PICALM: variants seen among roughly 807,000 people sequenced by gnomAD.
PICALM encodes the protein phosphatidylinositol binding clathrin assembly protein.
A neutral mutation model predicts 80.5 loss-of-function variants in PICALM; 40 were observed. That is an observed-to-expected ratio of 0.50 (90% CI 0.39 to 0.65). The LOEUF is 0.65. Ranked by LOEUF, PICALM falls within the 30% of genes least tolerant of loss-of-function variation. The pLI is 0.00. For synonymous variants in PICALM, 288 were observed against 260.3 expected, an observed-to-expected ratio of 1.11 and a Z score of -1.02; for missense variants, 676 against 778.9, an observed-to-expected ratio of 0.87 and a Z score of 1.57.
intron 19 of PICALM, among the ~76,000 whole-genome samples, chr11:85,970,703 G>A (rs1295210170): frequency 1.3e-5 from 2 of 152,122 alleles, no homozygotes; most frequent in African/African-American, 4.8e-5. Flanking sequence ...AGCTGCCGGG[G>A]AGGCTGAGGC....
chr11:86,037,255 G>GA (rs1283450271), intron 1 of PICALM, among the ~76,000 whole-genome samples: 1 of 124,552 alleles, frequency 8.0e-6, no homozygotes, highest in Non-Finnish European at 1.6e-5. Context: ...AAAAAAAAAA[G>GA]AAAATTTTTT....
intron 12 of PICALM, among the ~76,000 whole-genome samples, chr11:85,993,258 C>T (rs988414455): frequency 2.0e-5 from 3 of 151,960 alleles, no homozygotes; most frequent in South Asian, 2.1e-4. Context: ...GGCTATTTTC[C>T]GATTTTTTTG....
At chr11:86,013,004 A>G (rs185121675) in intron 5 of PICALM, among the ~76,000 whole-genome samples, 16 of 152,316 alleles carry the variant, frequency 1.1e-4, no homozygotes, top group Admixed American at 9.2e-4. Flanking sequence ...CTCAGTGCCC[A>G]TAAGAATGAA....
chr11:85,992,995 T>C (rs910642130), intron 12 of PICALM, among the ~76,000 whole-genome samples: 1 of 152,060 alleles, frequency 6.6e-6, no homozygotes, highest in Non-Finnish European at 1.5e-5. Flanking sequence ...CATTACACTA[T>C]AATAATAAAA....
At chr11:85,981,670 T>A in intron 16 of PICALM, 75 bp downstream of exon 16, 1 of 1,106,204 alleles carries the variant, frequency 9.0e-7, no homozygotes, top group South Asian at 1.3e-5. Context: ...GAAAGCCAAA[T>A]CAACCCTCCA....
At chr11:86,031,647 T>C (rs750019187) in intron 1 of PICALM, 36 bp from the exon 2 acceptor site, 2 of 1,519,956 alleles carry the variant, frequency 1.3e-6, no homozygotes, top group South Asian at 2.4e-5. Context: ...TAATTTCCTC[T>C]GTGGTTTTAA....
intron 2 of PICALM, among the ~76,000 whole-genome samples, chr11:86,027,640 C>T (rs1403802752): frequency 1.3e-5 from 2 of 151,806 alleles, no homozygotes; most frequent in African/African-American, 2.4e-5. Context: ...CACCCCTCAC[C>T]CTCGCCCCCA....
At chr11:86,016,613 C>A (rs1339326454) in intron 4 of PICALM, among the ~76,000 whole-genome samples, 1 of 152,184 alleles carries the variant, frequency 6.6e-6, no homozygotes, top group Non-Finnish European at 1.5e-5. Context: ...TGAGCAAACA[C>A]CTAACTAATC....
chr11:86,037,065 C>G (rs1237578567), intron 1 of PICALM, among the ~76,000 whole-genome samples: 2 of 151,578 alleles, frequency 1.3e-5, no homozygotes, highest in African/African-American at 4.9e-5. Context: ...CCTGCCTCAG[C>G]CTGCCAAGCA....
intron 12 of PICALM, among the ~76,000 whole-genome samples, chr11:85,996,492 C>A (rs1416854660): frequency 1.3e-5 from 2 of 151,766 alleles, no homozygotes; most frequent in Admixed American, 1.3e-4. Context: ...AAATTCTACA[C>A]CAAAATCGAA....
intron 4 of PICALM, among the ~76,000 whole-genome samples, chr11:86,016,320 A>C (rs1198919523): frequency 2.6e-5 from 4 of 152,184 alleles, no homozygotes; most frequent in Non-Finnish European, 5.9e-5. Context: ...ACAACAACAA[A>C]AAAAGGTAAA....
At chr11:86,067,063 T>G (rs2096457992) in intron 1 of PICALM, among the ~76,000 whole-genome samples, 1 of 152,250 alleles carries the variant, frequency 6.6e-6, no homozygotes, top group South Asian at 2.1e-4. Flanking sequence ...TATTTAAAAC[T>G]TTTTTCCACA....
At chr11:86,051,131 T>G (rs926647996) in intron 1 of PICALM, among the ~76,000 whole-genome samples, 1 of 152,200 alleles carries the variant, frequency 6.6e-6, no homozygotes, top group African/African-American at 2.4e-5. Flanking sequence ...GACAGAATAC[T>G]CTGATGGAGA....
intron 2 of PICALM, among the ~76,000 whole-genome samples, chr11:86,029,398 C>A (rs958450317): frequency 6.6e-6 from 1 of 152,172 alleles, no homozygotes; most frequent in African/African-American, 2.4e-5. Context: ...GCATAAAAAC[C>A]TGAAGGTTGT....
intron 16 of PICALM, 82 bp from the exon 17 acceptor site, chr11:85,981,310 A>C: frequency 1.2e-6 from 1 of 824,006 alleles, no homozygotes; most frequent in African/African-American, 1.7e-5. Flanking sequence ...GAACAGAGTA[A>C]GATAGAGACT....
At position 85,996,814 on chromosome 11, in the gene PICALM, A is replaced by C. The variant is rs2094979191; in HGVS notation, c.1258+12T>G. The C allele has an allele frequency of 6.9e-7, 1 of 1,458,838 alleles. No homozygotes were observed. The highest frequency in any genetic ancestry group is 1.4e-5 in the African/African-American group (1 of 71,782). The allele number at this position is 1,458,838 out of a possible 1,614,324, so 90.4% of individuals were successfully genotyped here. On this transcript the variant is annotated intron_variant, in intron 12 of 19. Coordinates refer to ENST00000393346, the MANE Select transcript of PICALM (RefSeq NM_007166.4). ...GCATGTAACATCTAAAATAGAATTCATCAATGCTTACCTCCCCATGTACTT... is the reference window on the plus strand; with the variant it reads ...GCATGTAACATCTAAAATAGAATTCCTCAATGCTTACCTCCCCATGTACTT...
chr11:86,014,763 T>C (rs1368924270), intron 5 of PICALM, 107 bp downstream of exon 5: 1 of 590,348 alleles, frequency 1.7e-6, no homozygotes, highest in African/African-American at 2.0e-5. Flanking sequence ...CCATATAGGA[T>C]ATCAGGATGT....
chr11:85,976,728 G>C (rs747719347), intron 17 of PICALM, 46 bp from the exon 18 acceptor site: 32 of 1,139,710 alleles, frequency 2.8e-5, no homozygotes, highest in Middle Eastern at 2.0e-4. Flanking sequence ...TAACTCATGT[G>C]TGTCAACTGA....
chr11:86,029,165 T>C (rs917507447), intron 2 of PICALM, among the ~76,000 whole-genome samples: 2 of 152,094 alleles, frequency 1.3e-5, no homozygotes, highest in South Asian at 4.1e-4. Flanking sequence ...GTAAGATGTT[T>C]TGAAGCAGCC....
Sources: gnomAD v4.1 joint callset for allele counts (sites outside exome capture counted in the v4.1 genomes callset) on GRCh38, gnomAD v4.1.1 for gene constraint, MANE v1.5 for transcripts, NCBI Gene and HGNC (gene_info 2026-07-23, HGNC 2026-07-21) for gene names.